Variants in PPIL4 observed in about 807,000 individuals in gnomAD.
PPIL4 encodes the protein peptidylprolyl isomerase like 4, also known as peptidyl-prolyl cis-trans isomerase-like 4.
A neutral mutation model predicts 69.1 loss-of-function variants in PPIL4; 50 were observed. The ratio of observed to expected loss-of-function variants is 0.72; its 90% CI spans 0.58 to 0.92. The LOEUF (loss-of-function observed/expected upper bound fraction) is 0.92. PPIL4 is among the 40% of genes least tolerant of loss of function. The pLI, the probability that PPIL4 is intolerant of heterozygous loss-of-function variation, is 0.00. For synonymous variants in PPIL4, 193 were observed against 191.6 expected (o/e 1.01, Z -0.06); for missense variants, 480 against 587.9 (o/e 0.82, Z 1.90).
rs1182703849 is a variant in PPIL4, at chr6:149,538,916, G to A, written c.321+2026C>T. ...GGCTGGAGTGCAGTGGTGCAAAGTCGGCTCACCGCAACCTCCACCTCCCAG... is the reference window on the plus strand; with the variant it reads ...GGCTGGAGTGCAGTGGTGCAAAGTCAGCTCACCGCAACCTCCACCTCCCAG... On this transcript the variant is annotated intron_variant, in intron 4 of 12. Transcript: ENST00000253329. Among the ~76,000 whole-genome samples the A allele has an allele frequency of 4.0e-5, 6 of 151,186 alleles. No homozygotes were observed. In the East Asian group the frequency reaches 5.9e-4, roughly 15 times the overall value.
At chr6:149,541,103 G>T in intron 3 of PPIL4, 44 bp from the exon 4 acceptor site, 2 of 1,117,618 alleles carry the variant, frequency 1.8e-6, no homozygotes, top group Non-Finnish European at 1.4e-6. Context: ...CTCTCAAAAT[G>T]AAATACAGAA....
At chr6:149,535,559 C>T in intron 5 of PPIL4, 37 bp downstream of exon 5, 1 of 1,560,604 alleles carries the variant, frequency 6.4e-7, no homozygotes. Context: ...AATATTAAAA[C>T]ATTCTAGTAC....
chr6:149,521,842 C>G (rs1469906051), intron 9 of PPIL4, among the ~76,000 whole-genome samples: 1 of 152,194 alleles, frequency 6.6e-6, no homozygotes, highest in Non-Finnish European at 1.5e-5. Flanking sequence ...ATACCAAGCT[C>G]TGTGCTACAC....
intron 11 of PPIL4, among the ~76,000 whole-genome samples, chr6:149,516,185 A>G (rs1177148723): frequency 6.6e-6 from 1 of 152,228 alleles, no homozygotes; most frequent in East Asian, 1.9e-4. Context: ...TGGTAAATAA[A>G]TATCAAATGT....
intron 1 of PPIL4, among the ~76,000 whole-genome samples, chr6:149,544,115 C>T (rs913583469): frequency 6.6e-6 from 1 of 152,124 alleles, no homozygotes; most frequent in Non-Finnish European, 1.5e-5. Flanking sequence ...GCTCTACACC[C>T]CTTTATTTCC....
intron 4 of PPIL4, among the ~76,000 whole-genome samples, chr6:149,537,596 A>G (rs1376895437): frequency 6.6e-6 from 1 of 152,008 alleles, no homozygotes; most frequent in African/African-American, 2.4e-5. Flanking sequence ...AGTCCCAGCT[A>G]CTTGGGAGGC....
chr6:149,535,787 A>C (rs762154791), intron 4 of PPIL4, 49 bp from the exon 5 acceptor site: 1 of 1,367,152 alleles, frequency 7.3e-7, no homozygotes, highest in Admixed American at 2.1e-5. Flanking sequence ...TACATAACTC[A>C]AACTGAAATC....
At chr6:149,517,099 T>C (rs1193025447) in intron 11 of PPIL4, 1 of 277,368 alleles carries the variant, frequency 3.6e-6, no homozygotes, top group Non-Finnish European at 6.7e-6. Context: ...AGTAGGAAAG[T>C]ATTAATAAAA....
At chr6:149,540,836 G>T in intron 4 of PPIL4, 106 bp downstream of exon 4, 1 of 559,776 alleles carries the variant, frequency 1.8e-6, no homozygotes, top group Non-Finnish European at 3.1e-6. Context: ...ACATATTTCT[G>T]ATTGAAACCC....
At chr6:149,519,478 G>A (rs1340971649) in intron 10 of PPIL4, among the ~76,000 whole-genome samples, 1 of 152,112 alleles carries the variant, frequency 6.6e-6, no homozygotes, top group African/African-American at 2.4e-5. Context: ...ATTTTCATAT[G>A]TGGAAAAAAA....
chr6:149,520,601 A>T lies in PPIL4; in HGVS notation c.982+459T>A, dbSNP rs76002508. On this transcript the variant is annotated intron_variant, in intron 10 of 12. Coordinates refer to ENST00000253329, the MANE Select transcript of PPIL4 (RefSeq NM_139126.4). The stretch of plus-strand genomic sequence containing the variant: ...TGTGTGCACACACACACACACACAC[A>T]CTCTACCTCAGATTCTAGATAGCAG... Among the ~76,000 whole-genome samples the T allele has an allele frequency of 1.5e-3, 226 of 149,754 alleles. 1 individual carries two copies. The highest frequency in any genetic ancestry group is 5.4e-3 in the African/African-American group (220 of 40,612).
In PPIL4 at chr6:149,541,068, A is replaced by T. The variant is rs768922447; in HGVS notation, c.204-9T>A. 6.7e-7 allele frequency: 1 copy of T among 1,498,442 alleles called. No homozygotes were observed. The highest frequency in any genetic ancestry group is 2.3e-5 in the East Asian group (1 of 44,246). The allele number at this position is 1,498,442 out of a possible 1,614,324, so 92.8% of individuals were successfully genotyped here. Reference sequence around the variant, plus strand: ...GATCACCATACAGTTGGCTGAAAAAACATATAAGGTTATAAATGTAAGTAC... The same window carrying T: ...GATCACCATACAGTTGGCTGAAAAATCATATAAGGTTATAAATGTAAGTAC... On this transcript the variant is annotated splice_polypyrimidine_tract_variant and intron_variant, in intron 3 of 12. Transcript: ENST00000253329.
intron 11 of PPIL4, among the ~76,000 whole-genome samples, chr6:149,515,369 C>T (rs1031871526): frequency 1.1e-4 from 17 of 151,972 alleles, no homozygotes; most frequent in Admixed American, 1.1e-3. Context: ...AATGATGGAT[C>T]ATACGAAAGA....
In PPIL4 at chr6:149,505,561, A is replaced by G; in HGVS notation, c.1371T>C (p.His457=). ...RERDGHYSNS[H]KSKYQTDLYE... ...AAAGATCTGTTTGGTATTTTGATTT[A>G]TGACTATTACTATAATGGCCATCCC... is the stretch of plus-strand genomic sequence containing the variant. The change falls in exon 13 of 13, where the codon CAT becomes CAC. Residue 457 remains histidine (H), a synonymous_variant. Transcript: ENST00000253329. 1 of 1,614,020 alleles carries G rather than the reference A, an allele frequency of 6.2e-7. No homozygotes were observed. The highest frequency in any genetic ancestry group is 8.5e-7 in the Non-Finnish European group (1 of 1,180,004).
chr6:149,517,394 G>T lies in PPIL4; in HGVS notation c.1039C>A (p.Pro347Thr). ...KEYEKEQDKP[P>T]NLVLKDKVKP... The stretch of plus-strand genomic sequence containing the variant: ...ACTTTATCTTTCAGAACCAAATTAG[G>T]TGGTTTATCCTGTTCTTTTTCATAC... The change falls in exon 11 of 13, where the codon CCT (proline) becomes ACT (threonine). Residue 347 changes from proline to threonine, a missense_variant. Physicochemically the swap from Pro to Thr is conservative, Grantham distance 38. Transcript: ENST00000253329. 1 of 1,607,560 alleles carries T rather than the reference G, an allele frequency of 6.2e-7. No individual in the cohort carries two copies.
rs1488939804 is a variant in PPIL4 at position 149,505,700 on chromosome 6, ATATCC to A, written c.1228-1_1231del. 2.5e-6 allele frequency: 4 copies of A among 1,609,492 alleles called. No individual in the cohort carries two copies. On this transcript the variant is annotated splice_acceptor_variant and coding_sequence_variant, in exon 13 of 13. Coordinates refer to ENST00000253329, the MANE Select transcript of PPIL4 (RefSeq NM_139126.4). LOFTEE classifies it high-confidence loss of function. ...GTGACCAAACCCCATTTCTCTATAG[ATATCC>A]TGTCAAAGGAAGGGGGAATTACAAG...
chr6:149,510,221 C>A (rs1776822963), intron 12 of PPIL4, among the ~76,000 whole-genome samples: 1 of 152,092 alleles, frequency 6.6e-6, no homozygotes, highest in African/African-American at 2.4e-5. Flanking sequence ...TAGCAAAGAG[C>A]TAACTACATA....
At chr6:149,519,030 A>G (rs1776988683) in intron 10 of PPIL4, among the ~76,000 whole-genome samples, 2 of 152,222 alleles carry the variant, frequency 1.3e-5, no homozygotes. Context: ...AATAAACTGT[A>G]TGTTTATGAT....
intron 9 of PPIL4, among the ~76,000 whole-genome samples, chr6:149,522,681 T>C (rs1777046956): frequency 6.6e-6 from 1 of 152,170 alleles, no homozygotes; most frequent in African/African-American, 2.4e-5. Flanking sequence ...GGTGCGATGC[T>C]GGCTCACTGC....
Sources: allele counts gnomAD v4.1 joint callset (sites outside exome capture counted in the v4.1 genomes callset), GRCh38; gene constraint gnomAD v4.1.1; transcripts MANE v1.5; gene names NCBI Gene and HGNC (gene_info 2026-07-23, HGNC 2026-07-21).